CABYR: variants seen among roughly 807,000 people sequenced by gnomAD.
The protein encoded by CABYR is calcium-binding tyrosine phosphorylation-regulated protein.
CABYR carries 31 observed loss-of-function variants against 36.1 expected under a neutral mutation model. That is an observed-to-expected ratio of 0.86 (90% CI 0.64 to 1.16). The LOEUF is 1.16. Ranked by LOEUF, CABYR falls within the 50% of genes most tolerant of loss-of-function variation. The pLI is 0.00. For missense variants in CABYR, 429 were observed against 455.8 expected (o/e 0.94, Z 0.53); for synonymous variants, 146 against 160.7 (o/e 0.91, Z 0.69).
intron 4 of CABYR, chr18:24,156,309 C>A (rs200087774): frequency 1.2e-6 from 2 of 1,614,194 alleles, no homozygotes; most frequent in Non-Finnish European, 1.7e-6. Flanking sequence ...TGAACAAGAA[C>A]CTCCTGCTTA....
At chr18:24,155,671 T>G in intron 3 of CABYR, 30 bp from the exon 4 acceptor site, 1 of 1,473,644 alleles carries the variant, frequency 6.8e-7, no homozygotes, top group Non-Finnish European at 9.2e-7. Context: ...TTTTAGATGT[T>G]AATTAACCCA....
intron 3 of CABYR, among the ~76,000 whole-genome samples, chr18:24,153,438 C>G (rs2085689852): frequency 6.6e-6 from 1 of 152,172 alleles, no homozygotes; most frequent in Non-Finnish European, 1.5e-5. Flanking sequence ...AGTGCGAATT[C>G]TCCTTGGGTC....
At chr18:24,145,767 C>T (rs951114393) in intron 3 of CABYR, among the ~76,000 whole-genome samples, 23 of 152,026 alleles carry the variant, frequency 1.5e-4, no homozygotes, top group African/African-American at 4.1e-4. Context: ...TTTGTGAAAC[C>T]GTGGCAATTC....
chr18:24,161,332 G>C (rs2085976910), intron 5 of CABYR, among the ~76,000 whole-genome samples, 184 bp from the exon 6 acceptor site: 1 of 152,190 alleles, frequency 6.6e-6, no homozygotes, highest in South Asian at 2.1e-4. Flanking sequence ...TGGTGGAATT[G>C]CCAAAATGGC....
chr18:24,159,121 G>T (rs975719823), intron 4 of CABYR, among the ~76,000 whole-genome samples: 2 of 152,192 alleles, frequency 1.3e-5, no homozygotes, highest in Non-Finnish European at 2.9e-5. Context: ...CTCTTCAATT[G>T]ACTTTTGGGT....
chr18:24,143,406 G>C lies in CABYR; in HGVS notation c.192G>C (p.Gln64His), dbSNP rs2085377239. The C allele has an allele frequency of 3.2e-6, 5 of 1,545,590 alleles. No homozygotes were observed. Among genetic ancestry groups the C allele is most frequent in the Non-Finnish European group, 4.4e-6 (5 of 1,128,000 alleles). ...AAGATCTGGTTAAACAATTTCATCA[G>C]ATTAAAGGTAAGTACCACAAGTAGT... ...DIKDLVKQFH[Q>H]IKVEKWSEGT... The change falls in exon 3 of 6, where the codon CAG becomes CAC. Residue 64 changes from glutamine to histidine, a missense_variant. Gln to His is a conservative substitution (Grantham distance 24). Coordinates refer to ENST00000399496, the MANE Select transcript of CABYR (RefSeq NM_153769.3).
At chr18:24,143,636 G>C (rs1017553424) in intron 3 of CABYR, among the ~76,000 whole-genome samples, 1 of 151,874 alleles carries the variant, frequency 6.6e-6, no homozygotes, top group Non-Finnish European at 1.5e-5. Context: ...GGGCTCAAGG[G>C]ATCCTCCTGT....
At chr18:24,149,893 C>T (rs1288272076) in intron 3 of CABYR, among the ~76,000 whole-genome samples, 2 of 152,226 alleles carry the variant, frequency 1.3e-5, no homozygotes, top group East Asian at 3.8e-4. Context: ...TCCAGCTGGC[C>T]CGCAAGCGCG....
chr18:24,153,371 G>A (rs1034579917), intron 3 of CABYR, among the ~76,000 whole-genome samples: 2 of 152,128 alleles, frequency 1.3e-5, no homozygotes, highest in East Asian at 1.9e-4. Context: ...GCTCTCTCTG[G>A]CCTTCAGCCC....
intron 3 of CABYR, among the ~76,000 whole-genome samples, chr18:24,154,894 G>C (rs1325415829): frequency 1.3e-5 from 2 of 152,148 alleles, no homozygotes; most frequent in Non-Finnish European, 2.9e-5. Flanking sequence ...CAGATCCAGA[G>C]ATATCTTTCT....
intron 4 of CABYR, chr18:24,156,600 C>T (rs1394598926): frequency 1.9e-6 from 3 of 1,614,196 alleles, no homozygotes; most frequent in Admixed American, 1.7e-5. Context: ...AAAACTTGCA[C>T]AGTTGGAGGA....
intron 5 of CABYR, 149 bp downstream of exon 5, chr18:24,160,218 A>T (rs2085918526): frequency 3.2e-6 from 2 of 626,784 alleles, no homozygotes; most frequent in African/African-American, 3.7e-5. Context: ...TACTGTCTCC[A>T]ACTTCCTAAA....
chr18:24,155,408 A>C (rs772515053), intron 3 of CABYR, among the ~76,000 whole-genome samples: 46 of 152,234 alleles, frequency 3.0e-4, no homozygotes, highest in Non-Finnish European at 1.2e-4. Flanking sequence ...CCCACACTAC[A>C]GATGTTGGAA....
At chr18:24,149,878 G>A (rs1032505583) in intron 3 of CABYR, among the ~76,000 whole-genome samples, 4 of 152,226 alleles carry the variant, frequency 2.6e-5, no homozygotes, top group African/African-American at 7.2e-5. Flanking sequence ...ATGCCCACTC[G>A]GAACTCCAGC....
At chr18:24,156,559 C>T (rs1209996949) in intron 4 of CABYR, 1 of 1,614,220 alleles carries the variant, frequency 6.2e-7, no homozygotes, top group Non-Finnish European at 8.5e-7. Context: ...AAGACCACCT[C>T]TGGCATGTCT....
chr18:24,139,932 C>CT (rs778434790), intron 1 of CABYR: 3,879 of 137,964 alleles, frequency 0.028, 146 homozygotes, highest in African/African-American at 0.079. Flanking sequence ...CTTTTTTATT[C>CT]TTTTTTTTTT....
chr18:24,143,436 G>C, intron 3 of CABYR, 23 bp downstream of exon 3: 1 of 1,343,152 alleles, frequency 7.4e-7, no homozygotes, highest in Non-Finnish European at 1.0e-6. Context: ...AGTAGTAATA[G>C]TTTTAATAAT....
chr18:24,161,277 T>TTATC (rs1367905695), intron 5 of CABYR, among the ~76,000 whole-genome samples: 2 of 146,946 alleles, frequency 1.4e-5, no homozygotes, highest in African/African-American at 5.4e-5. Context: ...CAAAATTATC[T>TTATC]TATCTTAGGG....
At chr18:24,150,905 G>C (rs906595968) in intron 3 of CABYR, among the ~76,000 whole-genome samples, 2 of 151,182 alleles carry the variant, frequency 1.3e-5, no homozygotes, top group South Asian at 4.2e-4. Flanking sequence ...TCAGCCTCCC[G>C]AATAGCTGGG....
Sources: gnomAD v4.1 joint callset for allele counts (sites outside exome capture counted in the v4.1 genomes callset) on GRCh38, gnomAD v4.1.1 for gene constraint, MANE v1.5 for transcripts, NCBI Gene and HGNC (gene_info 2026-07-23, HGNC 2026-07-21) for gene names.